Variants in LRTM2 observed in about 807,000 individuals in gnomAD.
The protein encoded by LRTM2 is leucine-rich repeat and transmembrane domain-containing protein 2.
A neutral mutation model predicts 28.1 loss-of-function variants in LRTM2; 18 were observed. The observed-to-expected ratio is 0.64, with a 90% confidence interval of 0.44 to 0.95. LRTM2 has a LOEUF of 0.95. Ranked by LOEUF, LRTM2 falls within the 40% of genes least tolerant of loss-of-function variation. The pLI is 0.00. For missense variants in LRTM2, 436 were observed against 497.2 expected (o/e 0.88, Z 1.17); for synonymous variants, 250 against 218.7 (o/e 1.14, Z -1.26).
intron 1 of LRTM2, among the ~76,000 whole-genome samples, chr12:1,824,232 T>A (rs912861892): frequency 6.6e-6 from 1 of 152,188 alleles, no homozygotes; most frequent in African/African-American, 2.4e-5. Context: ...CCTAGTCGTA[T>A]CAAACTCAAA....
chr12:1,832,071 A>G lies in LRTM2; in HGVS notation c.658+546A>G, dbSNP rs556626048. ...CCCAAGTTTTATTATCCAAACTTTAAGAAGAAGTCAAATGGGTTAGGCTTT... is the reference window on the plus strand; with the variant it reads ...CCCAAGTTTTATTATCCAAACTTTAGGAAGAAGTCAAATGGGTTAGGCTTT... On this transcript the variant is annotated intron_variant, in intron 4 of 4. Transcript: ENST00000299194. Among the ~76,000 whole-genome samples, 26 of 152,368 alleles carry G rather than the reference A, an allele frequency of 1.7e-4. No homozygotes were observed. In the South Asian group the frequency reaches 5.2e-3, roughly 30 times the overall value.
chr12:1,830,052 G>A (rs1864552426), intron 3 of LRTM2, among the ~76,000 whole-genome samples: 1 of 152,232 alleles, frequency 6.6e-6, no homozygotes, highest in Non-Finnish European at 1.5e-5. Flanking sequence ...GAAGGGTCTT[G>A]GGCAAAAGAT....
intron 1 of LRTM2, among the ~76,000 whole-genome samples, chr12:1,827,002 A>T (rs1864359379): frequency 6.6e-6 from 1 of 152,234 alleles, no homozygotes; most frequent in African/African-American, 2.4e-5. Context: ...GGCTGCAACC[A>T]GGAATTACCC....
intron 1 of LRTM2, among the ~76,000 whole-genome samples, chr12:1,822,529 C>T (rs374956607): frequency 6.6e-6 from 1 of 152,310 alleles, no homozygotes; most frequent in East Asian, 1.9e-4. Flanking sequence ...TCCTTCATGT[C>T]AGGGACCAGC....
rs1446244781 is a variant in LRTM2, at chr12:1,820,594, T to A, written c.-479T>A. 1 of 152,458 alleles carries A rather than the reference T, an allele frequency of 6.6e-6. No individual in the cohort carries two copies. Among genetic ancestry groups the A allele is most frequent in the Non-Finnish European group, 1.5e-5 (1 of 68,212 alleles). 9.4% of individuals were successfully genotyped at this position (152,458 alleles called of 1,614,324 possible). A position where few individuals can be genotyped will look rare whatever the true frequency, so the allele number is the denominator to read the frequency against. ...CTCTCTTTCCTTCTCAGTTTGTGAC[T>A]GACCCAGCAGCCCCGTCCCCCGTCT... On this transcript the variant is annotated 5_prime_UTR_variant, in exon 1 of 5. Transcript: ENST00000299194. This position sits in a 1 kb window ranked among gnomAD's most constrained non-coding sequence, Gnocchi z 6.0.
rs763389425 is a variant in LRTM2 at position 1,834,325 on chromosome 12, G to A, written c.717G>A (p.Met239Ile). 5.6e-6 allele frequency: 9 copies of A among 1,611,244 alleles called. No individual in the cohort carries two copies. The South Asian group carries it at 9.9e-5, about 18-fold the overall frequency. Residue 239 changes from methionine to isoleucine, a missense_variant, in exon 5 of 5, where the codon ATG (methionine) becomes ATA (isoleucine). By Grantham distance (10) the Met-to-Ile change is conservative. Coordinates refer to ENST00000299194, the MANE Select transcript of LRTM2 (RefSeq NM_001039029.3). This position sits in a 1 kb window ranked among gnomAD's most constrained non-coding sequence, Gnocchi z 7.6. ...CCAAGGAGCTGAGGGGGAAGGACAT[G>A]CGGATGGTCCCCATGGAGATGTTCA... ...TLPKELRGKD[M>I]RMVPMEMFNY...
In LRTM2 at chr12:1,824,789, G is replaced by C. The variant is rs1311263132; in HGVS notation, c.-258-2621G>C. Among the ~76,000 whole-genome samples the C allele has an allele frequency of 2.0e-5, 3 of 152,198 alleles. 1 individual carries two copies. The highest frequency in any genetic ancestry group is 4.1e-4 in the South Asian group (2 of 4,832). ...GGAAGGGTCCTTTGGATGGAGGCGTGTTGGTAGGCAGAGGCTAAGGAACTA... is the reference window on the plus strand; with the variant it reads ...GGAAGGGTCCTTTGGATGGAGGCGTCTTGGTAGGCAGAGGCTAAGGAACTA... On this transcript the variant is annotated intron_variant, in intron 1 of 4. Coordinates refer to ENST00000299194, the MANE Select transcript of LRTM2 (RefSeq NM_001039029.3).
rs146521480 is a variant in LRTM2 at position 1,834,961 on chromosome 12, G to A, written c.*240G>A. Reference sequence around the variant, plus strand: ...GGGCCAGTAAATCTTTGGAACATGTGGGGGATCTCCCTAAGCTCTGGCCAC... The same window carrying A: ...GGGCCAGTAAATCTTTGGAACATGTAGGGGATCTCCCTAAGCTCTGGCCAC... On this transcript the variant is annotated 3_prime_UTR_variant, in exon 5 of 5. Transcript: ENST00000299194. The surrounding 1 kb of genome is among the most constrained non-coding windows in gnomAD (Gnocchi z 7.6). The A allele has an allele frequency of 1.3e-4, 89 of 692,896 alleles. No individual in the cohort carries two copies. In the African/African-American group the frequency reaches 1.3e-3, roughly 10 times the overall value. 42.9% of individuals were successfully genotyped at this position (692,896 alleles called of 1,614,324 possible).
intron 1 of LRTM2, among the ~76,000 whole-genome samples, chr12:1,825,170 G>A (rs967587432): frequency 6.6e-5 from 10 of 152,226 alleles, no homozygotes; most frequent in African/African-American, 2.4e-4. Flanking sequence ...ACCTGCACAA[G>A]AGGCCGCCTT....
In LRTM2 at chr12:1,826,281, A is replaced by G. The variant is rs556737236; in HGVS notation, c.-258-1129A>G. 1.6e-4 allele frequency among the ~76,000 whole-genome samples: 24 copies of G among 152,106 alleles called. No individual in the cohort carries two copies. In the South Asian group the frequency reaches 4.6e-3, roughly 29 times the overall value. ...CAACTCTCTTCCCTTCACTAGATTG[A>G]TCCTCATAGAAACTCCACCAAGCAG... On this transcript the variant is annotated intron_variant, in intron 1 of 4. Coordinates refer to ENST00000299194, the MANE Select transcript of LRTM2 (RefSeq NM_001039029.3).
chr12:1,827,178 C>T (rs545899928), intron 1 of LRTM2, among the ~76,000 whole-genome samples: 2 of 151,620 alleles, frequency 1.3e-5, no homozygotes, highest in South Asian at 4.2e-4. Flanking sequence ...ACATGCCAGT[C>T]CCCTGTCCCC....
At chr12:1,824,755 C>T (rs927360609) in intron 1 of LRTM2, among the ~76,000 whole-genome samples, 2 of 152,236 alleles carry the variant, frequency 1.3e-5, no homozygotes, top group African/African-American at 4.8e-5. Flanking sequence ...CTCCACTCTT[C>T]TGGGGGTGGG....
chr12:1,828,740 G>A lies in LRTM2; in HGVS notation c.67+525G>A, dbSNP rs1157452625. ...AGAGGACCTAGTGGGCTCGTGGGATGCGGCGCTGGAAGAGACTTTGGGGAG... is the reference window on the plus strand; with the variant it reads ...AGAGGACCTAGTGGGCTCGTGGGATACGGCGCTGGAAGAGACTTTGGGGAG... On this transcript the variant is annotated intron_variant, in intron 3 of 4. Transcript: ENST00000299194. This position sits in a 1 kb window ranked among gnomAD's most constrained non-coding sequence, Gnocchi z 4.2. Among the ~76,000 whole-genome samples the A allele has an allele frequency of 1.3e-5, 2 of 152,232 alleles. No homozygotes were observed. The highest frequency in any genetic ancestry group is 2.9e-5 in the Non-Finnish European group (2 of 68,036).
rs1418421421 is a variant in LRTM2, at chr12:1,833,483, G to A, written c.659-784G>A. The stretch of plus-strand genomic sequence containing the variant: ...TCCACCATCATCATGAAGACATCCT[G>A]GCGAGCCCGTGCGCCCAGGTACCCA... On this transcript the variant is annotated intron_variant, in intron 4 of 4. Transcript: ENST00000299194. The surrounding 1 kb of genome is among the most constrained non-coding windows in gnomAD (Gnocchi z 4.2). Among the ~76,000 whole-genome samples, 1 of 152,096 alleles carries A rather than the reference G, an allele frequency of 6.6e-6. No individual in the cohort carries two copies. Among genetic ancestry groups the A allele is most frequent in the Non-Finnish European group, 1.5e-5 (1 of 68,012 alleles).
In LRTM2 at chr12:1,825,388, G is replaced by A. The variant is rs1277354945; in HGVS notation, c.-258-2022G>A. ...AGGAGTGGGAGCAGACACCTGGATG[G>A]GGAATCCGGCCTCAACATGGGCCCT... is the stretch of plus-strand genomic sequence containing the variant. On this transcript the variant is annotated intron_variant, in intron 1 of 4. Transcript: ENST00000299194. Among the ~76,000 whole-genome samples the A allele has an allele frequency of 2.0e-5, 3 of 152,226 alleles. No individual in the cohort carries two copies. The East Asian group carries it at 5.8e-4, about 29-fold the overall frequency.
chr12:1,823,993 TGA>T (rs1362004026), intron 1 of LRTM2, among the ~76,000 whole-genome samples: 1 of 152,198 alleles, frequency 6.6e-6, no homozygotes, highest in African/African-American at 2.4e-5. Flanking sequence ...TAACTTTAGG[TGA>T]GTTATTTCAT....
chr12:1,831,795 C>G (rs1057005138), intron 4 of LRTM2, among the ~76,000 whole-genome samples: 1 of 151,298 alleles, frequency 6.6e-6, no homozygotes, highest in Non-Finnish European at 1.5e-5. Flanking sequence ...CAGCCAGCTC[C>G]CCACTTTCTC....
intron 4 of LRTM2, 93 bp downstream of exon 4, chr12:1,831,618 G>C: frequency 8.9e-7 from 1 of 1,125,754 alleles, no homozygotes. Context: ...CTGACTCAGA[G>C]AGCAGGCCAG....
chr12:1,821,290 G>C (rs1299473021), intron 1 of LRTM2, among the ~76,000 whole-genome samples: 2 of 152,176 alleles, frequency 1.3e-5, no homozygotes, highest in South Asian at 2.1e-4. Context: ...GCAGGGAGGA[G>C]GTCCTGGATG....
Sources: allele counts gnomAD v4.1 joint callset (sites outside exome capture counted in the v4.1 genomes callset), GRCh38; gene constraint gnomAD v4.1.1; non-coding constraint Gnocchi (gnomAD v3.1); transcripts MANE v1.5; gene names NCBI Gene and HGNC (gene_info 2026-07-23, HGNC 2026-07-21).